Variants in ALPK1 observed in about 807,000 individuals in gnomAD.
The protein encoded by ALPK1 is alpha kinase 1.
In ALPK1, 110 loss-of-function variants were observed where a neutral mutation model predicts 120.6. The ratio of observed to expected loss-of-function variants is 0.91; its 90% CI spans 0.78 to 1.07. The LOEUF (loss-of-function observed/expected upper bound fraction) is 1.07, where lower values mean the gene tolerates loss of function less well. ALPK1 is among the 50% of genes least tolerant of loss of function. The pLI, the probability that ALPK1 is intolerant of heterozygous loss-of-function variation, is 0.00. For missense variants in ALPK1, 1,498 were observed against 1,483.9 expected (o/e 1.01, Z -0.16); for synonymous variants, 582 against 560.3 (o/e 1.04, Z -0.55).
At chr4:112,378,150 A>G (rs2148726758) in intron 3 of ALPK1, among the ~76,000 whole-genome samples, 1 of 152,304 alleles carries the variant, frequency 6.6e-6, no homozygotes, top group African/African-American at 2.4e-5. Flanking sequence ...GCTACAAGAA[A>G]CAGTTTAGTT....
At chr4:112,423,464 G>T (rs946608434) in intron 5 of ALPK1, among the ~76,000 whole-genome samples, 58 of 152,188 alleles carry the variant, frequency 3.8e-4, no homozygotes, top group African/African-American at 1.3e-3. Context: ...TCCAACAGGT[G>T]TCCATAGAAT....
chr4:112,361,466 G>A (rs1021498728), intron 2 of ALPK1, among the ~76,000 whole-genome samples: 1 of 152,196 alleles, frequency 6.6e-6, no homozygotes, highest in African/African-American at 2.4e-5. Flanking sequence ...CTGGCAACCT[G>A]TGTGTGTAAT....
At chr4:112,393,022 T>C (rs1479156373) in intron 4 of ALPK1, among the ~76,000 whole-genome samples, 4 of 152,252 alleles carry the variant, frequency 2.6e-5, no homozygotes, top group African/African-American at 7.2e-5. Context: ...CTCTGCTTTA[T>C]GTCAGTCTCC....
chr4:112,317,688 C>T (rs1316306183), intron 2 of ALPK1, among the ~76,000 whole-genome samples: 2 of 152,060 alleles, frequency 1.3e-5, no homozygotes, highest in Non-Finnish European at 2.9e-5. Context: ...ATTTTTTTAG[C>T]TATTCCAAGT....
At chr4:112,381,317 G>A (rs1333645981) in intron 3 of ALPK1, among the ~76,000 whole-genome samples, 1 of 152,146 alleles carries the variant, frequency 6.6e-6, no homozygotes, top group Non-Finnish European at 1.5e-5. Flanking sequence ...GTAAATGGTG[G>A]TGCCAGTCAT....
intron 1 of ALPK1, among the ~76,000 whole-genome samples, chr4:112,312,460 G>C (rs555424444): frequency 6.6e-6 from 1 of 152,236 alleles, no homozygotes; most frequent in African/African-American, 2.4e-5. Flanking sequence ...TTTTGGTAGA[G>C]ACGGGGTTTC....
At chr4:112,330,128 T>C (rs1431835834) in intron 2 of ALPK1, among the ~76,000 whole-genome samples, 48 of 152,162 alleles carry the variant, frequency 3.2e-4, no homozygotes, top group Non-Finnish European at 8.8e-5. Context: ...GAATGAATCA[T>C]AAAGTAGAGC....
chr4:112,357,956 G>A (rs750498336), intron 2 of ALPK1: 71 of 760,890 alleles, frequency 9.3e-5, no homozygotes, highest in Admixed American at 1.5e-4. Context: ...GCCTCCCCCG[G>A]GGTCTACCGG....
Position 112,358,597 on chromosome 4 carries a change from C to T in ALPK1, c.-100-19081C>T, listed in dbSNP as rs762196944. ...GGCAGAGGCCCTGGGGGCTGCTGGC[C>T]GCCCTGGAGCACAGCGAACAGTGGG... On this transcript the variant is annotated intron_variant, in intron 2 of 15. Transcript: ENST00000650871. 3.4e-4 allele frequency: 242 copies of T among 721,954 alleles called. 1 individual carries two copies. Among genetic ancestry groups the T allele is most frequent in the Non-Finnish European group, 4.5e-4 (181 of 404,394 alleles). 44.7% of individuals were successfully genotyped at this position (721,954 alleles called of 1,614,324 possible). A position where few individuals can be genotyped will look rare whatever the true frequency, so the allele number is the denominator to read the frequency against.
chr4:112,355,805 G>C (rs1226473242), intron 2 of ALPK1, among the ~76,000 whole-genome samples: 2 of 152,236 alleles, frequency 1.3e-5, no homozygotes, highest in African/African-American at 4.8e-5. Flanking sequence ...GACTGGAAGT[G>C]GGGGCGGAAG....
intron 2 of ALPK1, among the ~76,000 whole-genome samples, chr4:112,316,998 TC>T (rs1355413845): frequency 7.9e-5 from 12 of 152,302 alleles, no homozygotes; most frequent in Middle Eastern, 3.4e-3. Flanking sequence ...AGTGGATGAA[TC>T]AAATAACAGA....
chr4:112,358,457 AAG>A lies in ALPK1; in HGVS notation c.-100-19218_-100-19217del, dbSNP rs1578497104. On this transcript the variant is annotated intron_variant, in intron 2 of 15. Transcript: ENST00000650871. Reference sequence around the variant, plus strand: ...CCCCCTCCTCTCCACCAGGAAAGCTAAGAGTCTCGACCTGCACGTCCTTAGCC... The same window carrying A: ...CCCCCTCCTCTCCACCAGGAAAGCTAAGTCTCGACCTGCACGTCCTTAGCC... 7.6e-6 allele frequency: 5 copies of A among 658,088 alleles called. No individual in the cohort carries two copies. The East Asian group carries it at 1.3e-4, about 17-fold the overall frequency. The allele number at this position is 658,088 out of a possible 1,614,324, so 40.8% of individuals were successfully genotyped here.
intron 4 of ALPK1, among the ~76,000 whole-genome samples, chr4:112,392,763 T>G (rs1014387779): frequency 2.6e-5 from 4 of 152,040 alleles, no homozygotes; most frequent in African/African-American, 9.7e-5. Context: ...ACTCCTGAGC[T>G]CAAGTGATCC....
chr4:112,330,579 T>C (rs189766280), intron 2 of ALPK1, among the ~76,000 whole-genome samples: 1 of 152,356 alleles, frequency 6.6e-6, no homozygotes, highest in African/African-American at 2.4e-5. Flanking sequence ...GAGGTTCCAC[T>C]CCTGCTTCTT....
At chr4:112,417,838 A>C (rs1733809890) in intron 5 of ALPK1, among the ~76,000 whole-genome samples, 1 of 152,230 alleles carries the variant, frequency 6.6e-6, no homozygotes, top group South Asian at 2.1e-4. Flanking sequence ...TGCACAGAAT[A>C]AAGAAGAAAA....
chr4:112,380,220 A>G (rs1731839176), intron 3 of ALPK1, among the ~76,000 whole-genome samples: 1 of 152,204 alleles, frequency 6.6e-6, no homozygotes, highest in Admixed American at 6.5e-5. Context: ...AATGCTCTTG[A>G]AGAAATGTTC....
intron 2 of ALPK1, chr4:112,357,989 C>T (rs935184969): frequency 2.8e-5 from 19 of 676,006 alleles, no homozygotes; most frequent in East Asian, 1.5e-4. Context: ...GGCGGTATGC[C>T]GGGGAAACAC....
Position 112,402,716 on chromosome 4 carries a change from T to C in ALPK1, c.277-9111T>C, listed in dbSNP as rs542052971. Among the ~76,000 whole-genome samples the C allele has an allele frequency of 2.2e-4, 33 of 152,342 alleles. No individual in the cohort carries two copies. In the South Asian group the frequency reaches 4.3e-3, roughly 20 times the overall value. ...ATATCCACATATTTTTATGTAAACATGATCACATAACAGGAAAAATACAAT... is the reference window on the plus strand; with the variant it reads ...ATATCCACATATTTTTATGTAAACACGATCACATAACAGGAAAAATACAAT... On this transcript the variant is annotated intron_variant, in intron 4 of 15. Coordinates refer to ENST00000650871, the MANE Select transcript of ALPK1 (RefSeq NM_025144.4).
chr4:112,416,946 T>C (rs1026062710), intron 5 of ALPK1, among the ~76,000 whole-genome samples: 18 of 149,358 alleles, frequency 1.2e-4, no homozygotes, highest in Admixed American at 1.2e-3. Context: ...TAGAAAATCA[T>C]ACAATAAGAA....
Sources: gnomAD v4.1 joint callset for allele counts (sites outside exome capture counted in the v4.1 genomes callset) on GRCh38, gnomAD v4.1.1 for gene constraint, MANE v1.5 for transcripts, NCBI Gene and HGNC (gene_info 2026-07-23, HGNC 2026-07-21) for gene names.